CD2AP: variants seen among roughly 807,000 people sequenced by gnomAD.
CD2AP encodes the protein CD2 associated protein, also known as CD2-associated protein.
Under a neutral mutation model 85.1 loss-of-function variants are expected in CD2AP, and 46 were observed. That is an observed-to-expected ratio of 0.54 (90% CI 0.43 to 0.69). The LOEUF (loss-of-function observed/expected upper bound fraction) is 0.69, where lower values mean the gene tolerates loss of function less well. CD2AP is among the 30% of genes least tolerant of loss of function. The pLI is 0.00. For synonymous variants in CD2AP, 255 were observed against 252.9 expected (o/e 1.01, Z -0.08); for missense variants, 769 against 729.5 (o/e 1.05, Z -0.62).
intron 2 of CD2AP, among the ~76,000 whole-genome samples, chr6:47,514,340 G>T (rs567344632): frequency 2.0e-4 from 31 of 152,040 alleles, no homozygotes; most frequent in South Asian, 6.2e-4. Context: ...TCATTAATTT[G>T]TTATGTTTAA....
At chr6:47,494,323 T>C (rs1055076732) in intron 1 of CD2AP, among the ~76,000 whole-genome samples, 1 of 152,218 alleles carries the variant, frequency 6.6e-6, no homozygotes, top group Non-Finnish European at 1.5e-5. Context: ...AAGAACTCTT[T>C]CTCAGATAGA....
chr6:47,609,509 T>A, intron 16 of CD2AP: 1 of 184,738 alleles, frequency 5.4e-6, no homozygotes. Flanking sequence ...AAACCCCATC[T>A]TTGCAAAAAA....
chr6:47,484,345 TTACC>T lies in CD2AP; in HGVS notation c.4+6099_4+6102del, dbSNP rs1474259731. ...TGTTTTCTTTGGACTAAACTTGATATTACCTCTTTTTTTTTTTTTTGTTATGTTT... is the reference window on the plus strand; with the variant it reads ...TGTTTTCTTTGGACTAAACTTGATATTCTTTTTTTTTTTTTTGTTATGTTT... On this transcript the variant is annotated intron_variant, in intron 1 of 17. Transcript: ENST00000359314. Among the ~76,000 whole-genome samples, 5 of 116,618 alleles carry T rather than the reference TTACC, an allele frequency of 4.3e-5. No individual in the cohort carries two copies. The South Asian group carries it at 1.6e-3, about 37-fold the overall frequency. The allele number at this position is 116,618 out of a possible 152,430, so 76.5% of individuals were successfully genotyped here.
intron 3 of CD2AP, among the ~76,000 whole-genome samples, chr6:47,540,195 A>T (rs1190519092): frequency 6.6e-6 from 1 of 150,514 alleles, no homozygotes; most frequent in African/African-American, 2.4e-5. Flanking sequence ...AAAAAAAAAG[A>T]AAAAAGAAAA....
chr6:47,551,874 G>A lies in CD2AP; in HGVS notation c.421-2772G>A, dbSNP rs563658012. ...TTCCATTTGGGTTGACTCTCTTACA[G>A]TGTAGGCATCTCAAGGTCGTCGGAC... On this transcript the variant is annotated intron_variant, in intron 4 of 17. Transcript: ENST00000359314. 2.6e-5 allele frequency among the ~76,000 whole-genome samples: 4 copies of A among 152,326 alleles called. No individual in the cohort carries two copies. In the East Asian group the frequency reaches 7.7e-4, roughly 29 times the overall value.
intron 2 of CD2AP, among the ~76,000 whole-genome samples, chr6:47,507,853 G>A (rs1306001256): frequency 6.6e-6 from 1 of 152,180 alleles, no homozygotes; most frequent in Non-Finnish European, 1.5e-5. Flanking sequence ...TCATCTTCTT[G>A]TACATTTCCA....
chr6:47,562,720 G>C (rs1047814791), intron 5 of CD2AP: 33 of 746,876 alleles, frequency 4.4e-5, no homozygotes, highest in Non-Finnish European at 7.3e-5. Flanking sequence ...GCCTAGCAGT[G>C]AAATTTGTGA....
intron 1 of CD2AP, chr6:47,489,017 C>G (rs184700041): frequency 6.6e-6 from 1 of 152,306 alleles, no homozygotes; most frequent in Admixed American, 6.5e-5. Flanking sequence ...GCTGTTCTTA[C>G]AAGTTCTTGT....
chr6:47,614,772 G>T (rs144109265), intron 17 of CD2AP, among the ~76,000 whole-genome samples: 1 of 152,246 alleles, frequency 6.6e-6, no homozygotes, highest in African/African-American at 2.4e-5. Context: ...ATAAAAAGAG[G>T]TATCCCTGTA....
At chr6:47,620,936 C>T (rs1769728639) in intron 17 of CD2AP, among the ~76,000 whole-genome samples, 1 of 152,134 alleles carries the variant, frequency 6.6e-6, no homozygotes, top group South Asian at 2.1e-4. Context: ...GTTCTAGGAG[C>T]TTTCTGAAGG....
intron 5 of CD2AP, among the ~76,000 whole-genome samples, chr6:47,561,639 T>C: frequency 6.6e-6 from 1 of 152,176 alleles, no homozygotes; most frequent in Non-Finnish European, 1.5e-5. Flanking sequence ...TGATCATTCA[T>C]CTATTTATCC....
chr6:47,581,826 A>G (rs1768486393), intron 10 of CD2AP, among the ~76,000 whole-genome samples, 177 bp from the exon 11 acceptor site: 2 of 152,312 alleles, frequency 1.3e-5, no homozygotes, highest in African/African-American at 4.8e-5. Flanking sequence ...GAGTAGGGTA[A>G]TAGTGGCAGG....
intron 17 of CD2AP, among the ~76,000 whole-genome samples, chr6:47,620,660 T>C (rs1355699115): frequency 6.6e-6 from 1 of 152,234 alleles, no homozygotes; most frequent in Non-Finnish European, 1.5e-5. Flanking sequence ...TTTCACAATA[T>C]TGATTCTACC....
At chr6:47,502,311 C>CTT (rs563351095) in intron 1 of CD2AP, among the ~76,000 whole-genome samples, 4 of 146,592 alleles carry the variant, frequency 2.7e-5, no homozygotes, top group Admixed American at 6.8e-5. Context: ...TTTTCATTAT[C>CTT]TTTTTTTTTT....
chr6:47,517,065 C>T (rs976789260), intron 2 of CD2AP, among the ~76,000 whole-genome samples: 1 of 152,020 alleles, frequency 6.6e-6, no homozygotes, highest in African/African-American at 2.4e-5. Context: ...GCGCCATGCC[C>T]TTGGTAATAA....
chr6:47,588,702 T>A (rs920918263), intron 11 of CD2AP, among the ~76,000 whole-genome samples: 1 of 152,154 alleles, frequency 6.6e-6, no homozygotes, highest in Non-Finnish European at 1.5e-5. Context: ...ACCTGAATTA[T>A]ATCTTTCCAT....
chr6:47,570,416 A>G (rs1219924209), intron 5 of CD2AP, among the ~76,000 whole-genome samples: 1 of 152,184 alleles, frequency 6.6e-6, no homozygotes, highest in Non-Finnish European at 1.5e-5. Context: ...TCAGATGGGT[A>G]AAGTATATGG....
At chr6:47,594,619 T>C (rs867454733) in intron 11 of CD2AP, among the ~76,000 whole-genome samples, 6 of 152,140 alleles carry the variant, frequency 3.9e-5, no homozygotes, top group Middle Eastern at 3.4e-3. Flanking sequence ...AATAGCTTTA[T>C]TTCGTTATTG....
rs116292080 is a variant in CD2AP at position 47,479,039 on chromosome 6, G to C, written c.4+791G>C. Among the ~76,000 whole-genome samples, 547 of 152,316 alleles carry C rather than the reference G, an allele frequency of 3.6e-3. 2 individuals are homozygous for C. Among genetic ancestry groups the C allele is most frequent in the African/African-American group, 0.012 (518 of 41,564 alleles). On this transcript the variant is annotated intron_variant, in intron 1 of 17. Transcript: ENST00000359314. Reference sequence around the variant, plus strand: ...TTGAAAAGGAGTTTTGTTAAGTGGTGTAACAATTTCTTTTGATAACAAAGT... The same window carrying C: ...TTGAAAAGGAGTTTTGTTAAGTGGTCTAACAATTTCTTTTGATAACAAAGT...
Sources: allele counts gnomAD v4.1 joint callset (sites outside exome capture counted in the v4.1 genomes callset), GRCh38; gene constraint gnomAD v4.1.1; transcripts MANE v1.5; gene names NCBI Gene and HGNC (gene_info 2026-07-23, HGNC 2026-07-21).